The following TMEM232 variants were observed in gnomAD, a reference collection of about 807,000 sequenced individuals.
TMEM232 encodes the protein transmembrane protein 232.
In TMEM232, 80 loss-of-function variants were observed where a neutral mutation model predicts 78.8. That is an observed-to-expected ratio of 1.01 (90% CI 0.85 to 1.22). TMEM232 has a LOEUF of 1.22. TMEM232 is among the 50% of genes most tolerant of loss of function. The pLI is 0.00. For missense variants in TMEM232, 881 were observed against 742.2 expected, an observed-to-expected ratio of 1.19 and a Z score of -2.17; for synonymous variants, 297 against 254.3, an observed-to-expected ratio of 1.17 and a Z score of -1.60.
chr5:110,695,690 A>T (rs1437636491), intron 1 of TMEM232, among the ~76,000 whole-genome samples: 104 of 152,206 alleles, frequency 6.8e-4, no homozygotes, highest in African/African-American at 2.3e-3. Flanking sequence ...GCAAATAAAC[A>T]AGAAAATCTA....
At chr5:110,474,314 T>C (rs968685937) in intron 12 of TMEM232, among the ~76,000 whole-genome samples, 30 of 152,094 alleles carry the variant, frequency 2.0e-4, no homozygotes, top group African/African-American at 7.2e-4. Context: ...ATTAGCAAAT[T>C]ATGGCTAGAA....
chr5:110,496,235 A>G (rs909415341), intron 12 of TMEM232, among the ~76,000 whole-genome samples: 2 of 151,978 alleles, frequency 1.3e-5, no homozygotes, highest in Admixed American at 1.3e-4. Context: ...CTTGTACAAT[A>G]TCTAAGCTCT....
intron 1 of TMEM232, among the ~76,000 whole-genome samples, chr5:110,673,068 G>A (rs1444974394): frequency 6.6e-6 from 1 of 152,092 alleles, no homozygotes; most frequent in Non-Finnish European, 1.5e-5. Flanking sequence ...GTCCAACAAT[G>A]ATAGACTGGA....
intron 1 of TMEM232, among the ~76,000 whole-genome samples, chr5:110,679,725 A>G (rs1323743290): frequency 7.2e-6 from 1 of 137,988 alleles, no homozygotes; most frequent in Non-Finnish European, 1.6e-5. Flanking sequence ...TTATCTCCAT[A>G]TTAATTAGTT....
intron 1 of TMEM232, among the ~76,000 whole-genome samples, chr5:110,697,410 A>G (rs1423528301): frequency 6.6e-6 from 1 of 152,156 alleles, no homozygotes; most frequent in African/African-American, 2.4e-5. Flanking sequence ...TGTCTAAAAC[A>G]CCAAAAGCAA....
At chr5:110,700,318 T>C (rs567967913) in intron 1 of TMEM232, among the ~76,000 whole-genome samples, 7 of 152,190 alleles carry the variant, frequency 4.6e-5, no homozygotes, top group African/African-American at 1.7e-4. Flanking sequence ...TTTATTAAAT[T>C]CAACCTTTCT....
intron 12 of TMEM232, among the ~76,000 whole-genome samples, chr5:110,457,525 CTGTT>C (rs902941016): frequency 1.3e-5 from 2 of 151,976 alleles, no homozygotes; most frequent in African/African-American, 4.8e-5. Flanking sequence ...AAATAAAAAT[CTGTT>C]TGTTCAAAAA....
At chr5:110,550,399 T>G (rs1774302737) in intron 11 of TMEM232, among the ~76,000 whole-genome samples, 1 of 152,126 alleles carries the variant, frequency 6.6e-6, no homozygotes, top group South Asian at 2.1e-4. Context: ...CATTCAGTCC[T>G]GTACTAAAAG....
intron 5 of TMEM232, among the ~76,000 whole-genome samples, chr5:110,631,510 T>A (rs1302953543): frequency 6.6e-6 from 1 of 152,050 alleles, no homozygotes; most frequent in East Asian, 1.9e-4. Context: ...TGCATAGGGA[T>A]TCTCTCTCCC....
chr5:110,405,332 T>A (rs530605462), intron 2 of TMEM232, among the ~76,000 whole-genome samples: 3 of 151,982 alleles, frequency 2.0e-5, no homozygotes, highest in African/African-American at 7.2e-5. Flanking sequence ...CAAAACAAAT[T>A]AAATTTTTAT....
At chr5:110,481,158 T>A (rs1473527154) in intron 12 of TMEM232, among the ~76,000 whole-genome samples, 1 of 152,136 alleles carries the variant, frequency 6.6e-6, no homozygotes, top group Non-Finnish European at 1.5e-5. Flanking sequence ...TATTCCTTAA[T>A]GTTTATAGAT....
chr5:110,422,230 T>C (rs1013715803), intron 13 of TMEM232, among the ~76,000 whole-genome samples: 7 of 152,246 alleles, frequency 4.6e-5, no homozygotes, highest in South Asian at 4.1e-4. Flanking sequence ...ATAGATCTCA[T>C]TATTTTGTTT....
rs561734374 is a variant in TMEM232, at chr5:110,546,980, G to GA, written c.1456-18146dup. 8.5e-4 allele frequency among the ~76,000 whole-genome samples: 127 copies of GA among 148,776 alleles called. 1 individual carries two copies. In the South Asian group the frequency reaches 0.013, roughly 15 times the overall value. On this transcript the variant is annotated intron_variant, in intron 11 of 13. Coordinates refer to ENST00000455884, the MANE Select transcript of TMEM232 (RefSeq NM_001039763.4). ...CCAAAAAAAAAGAAAAAGAGAAAGAGAAAAAAAAACACCTCAAATGTATTA... is the reference window on the plus strand; with the variant it reads ...CCAAAAAAAAAGAAAAAGAGAAAGAGAAAAAAAAAACACCTCAAATGTATTA...
At chr5:110,580,464 G>A (rs1778065702) in intron 10 of TMEM232, among the ~76,000 whole-genome samples, 2 of 151,660 alleles carry the variant, frequency 1.3e-5, no homozygotes. Context: ...GTGTGTGTAA[G>A]TATACTCTAT....
At chr5:110,624,353 C>CTGA (rs1784145336) in intron 7 of TMEM232, among the ~76,000 whole-genome samples, 1 of 151,788 alleles carries the variant, frequency 6.6e-6, no homozygotes, top group African/African-American at 2.4e-5. Flanking sequence ...TTAGGGCAGA[C>CTGA]TGATGATGGT....
chr5:110,602,759 G>C (rs1463908108), intron 10 of TMEM232, among the ~76,000 whole-genome samples: 1 of 152,172 alleles, frequency 6.6e-6, no homozygotes, highest in Non-Finnish European at 1.5e-5. Context: ...TCTAGAACCA[G>C]AAATACCATT....
downstream of TMEM232, among the ~76,000 whole-genome samples, chr5:110,415,288 C>T (rs183791608): frequency 1.6e-3 from 245 of 151,612 alleles, no homozygotes; most frequent in Admixed American, 3.1e-3. Flanking sequence ...CCCAGGTTCA[C>T]GCCATTCTCC....
intron 12 of TMEM232, among the ~76,000 whole-genome samples, chr5:110,426,216 A>T (rs1035563334): frequency 6.6e-6 from 1 of 151,848 alleles, no homozygotes; most frequent in South Asian, 2.1e-4. Context: ...CTCTCAATCT[A>T]CCATGGATAT....
At chr5:110,399,519 C>T (rs1040215035) in intron 2 of TMEM232, among the ~76,000 whole-genome samples, 1 of 151,994 alleles carries the variant, frequency 6.6e-6, no homozygotes, top group Non-Finnish European at 1.5e-5. Context: ...AAAGGCCTTC[C>T]TCTCACAATA....
Sources: gnomAD v4.1 joint callset for allele counts (sites outside exome capture counted in the v4.1 genomes callset) on GRCh38, gnomAD v4.1.1 for gene constraint, MANE v1.5 for transcripts, NCBI Gene and HGNC (gene_info 2026-07-23, HGNC 2026-07-21) for gene names.